DLG2: variants seen among roughly 807,000 people sequenced by gnomAD.
DLG2 encodes disks large homolog 2.
DLG2 carries 45 observed loss-of-function variants against 132.5 expected under a neutral mutation model. The observed-to-expected ratio is 0.34, with a 90% CI of 0.27 to 0.44. The LOEUF (loss-of-function observed/expected upper bound fraction) is 0.44, where lower values mean the gene tolerates loss of function less well. DLG2 is among the 20% of genes least tolerant of loss of function. The probability of loss-of-function intolerance (pLI) is 1.00; values close to 1 mark genes in which losing one functional copy is unlikely to be tolerated. For missense variants in DLG2, 1,045 were observed against 1,196.9 expected, an observed-to-expected ratio of 0.87 and a Z score of 1.87; for synonymous variants, 424 against 419.6, an observed-to-expected ratio of 1.01 and a Z score of -0.13.
intron 8 of DLG2, among the ~76,000 whole-genome samples, chr11:84,216,856 AT>A (rs1378200415): frequency 6.6e-6 from 1 of 152,208 alleles, no homozygotes; most frequent in Non-Finnish European, 1.5e-5. Flanking sequence ...ATAGATTATA[AT>A]AAATAAAGTG....
chr11:84,584,644 G>A lies in DLG2; in HGVS notation c.358-49913C>T, dbSNP rs936850479. Among the ~76,000 whole-genome samples the A allele has an allele frequency of 1.6e-4, 23 of 141,276 alleles. No homozygotes were observed. The South Asian group carries it at 5.3e-3, about 32-fold the overall frequency. 92.7% of individuals were successfully genotyped at this position (141,276 alleles called of 152,430 possible). On this transcript the variant is annotated intron_variant, in intron 6 of 27. Coordinates refer to ENST00000376104, the MANE Select transcript of DLG2 (RefSeq NM_001142699.3). ...GCCTCCCAAAGTGCTGGGATTATAA[G>A]CCTGAGCTGCTGTACCTGGCCCAGC...
intron 4 of DLG2, among the ~76,000 whole-genome samples, chr11:85,253,472 G>C (rs72947981): frequency 3.9e-5 from 6 of 152,108 alleles, no homozygotes; most frequent in Non-Finnish European, 8.8e-5. Flanking sequence ...ACCAGAGGGA[G>C]GGTGAATAGA....
intron 3 of DLG2, among the ~76,000 whole-genome samples, chr11:85,507,663 G>C (rs933944750): frequency 6.6e-6 from 1 of 152,044 alleles, no homozygotes; most frequent in South Asian, 2.1e-4. Context: ...TTCAACTTTG[G>C]TGAATCTGAC....
chr11:84,105,665 G>C (rs767819059), intron 9 of DLG2, among the ~76,000 whole-genome samples: 4 of 152,008 alleles, frequency 2.6e-5, no homozygotes, highest in African/African-American at 9.7e-5. Flanking sequence ...GTAAAGATTA[G>C]GTTATAGTAT....
chr11:84,708,973 G>C (rs563120423), intron 6 of DLG2, among the ~76,000 whole-genome samples: 9 of 151,986 alleles, frequency 5.9e-5, no homozygotes, highest in African/African-American at 2.2e-4. Flanking sequence ...GAAAAAAGTT[G>C]TCTAGTTGAA....
chr11:85,547,590 G>C (rs2076414276), intron 3 of DLG2, among the ~76,000 whole-genome samples: 1 of 152,164 alleles, frequency 6.6e-6, no homozygotes, highest in Non-Finnish European at 1.5e-5. Context: ...TTCCAACTTG[G>C]TTCCATTCTC....
At chr11:84,351,574 C>A (rs1034153298) in intron 7 of DLG2, among the ~76,000 whole-genome samples, 3 of 152,084 alleles carry the variant, frequency 2.0e-5, no homozygotes, top group African/African-American at 7.2e-5. Context: ...ACATATATAA[C>A]AGCATTTGAT....
In DLG2 at chr11:84,600,222, AAG is replaced by A. The variant is rs533347105; in HGVS notation, c.358-65493_358-65492del. On this transcript the variant is annotated intron_variant, in intron 6 of 27. Transcript: ENST00000376104. ...AAAGAAAGAAAGAAAGAAAGAAAGA[AAG>A]AGAAAGAAAGACAGAAAAGCAAGCA... is the stretch of plus-strand genomic sequence containing the variant. Among the ~76,000 whole-genome samples, 314 of 121,258 alleles carry A rather than the reference AAG, an allele frequency of 2.6e-3. 3 individuals carry two copies. The highest frequency in any genetic ancestry group is 0.026 in the South Asian group (88 of 3,428). The allele number at this position is 121,258 out of a possible 152,430, so 79.5% of individuals were successfully genotyped here.
intron 3 of DLG2, among the ~76,000 whole-genome samples, chr11:85,358,339 T>C (rs2083900741): frequency 6.6e-6 from 1 of 152,186 alleles, no homozygotes. Flanking sequence ...GTTTCCCATG[T>C]GGCTTTCAAC....
chr11:84,890,588 T>G (rs1407736687), intron 6 of DLG2, among the ~76,000 whole-genome samples: 2 of 152,092 alleles, frequency 1.3e-5, no homozygotes, highest in African/African-American at 4.8e-5. Flanking sequence ...TGAAAAGACA[T>G]GTCATTATGG....
intron 3 of DLG2, among the ~76,000 whole-genome samples, chr11:85,459,355 C>G (rs991296311): frequency 1.3e-5 from 2 of 152,104 alleles, no homozygotes; most frequent in Admixed American, 1.3e-4. Context: ...GATGAGCGAC[C>G]AGGCTTCTCT....
At chr11:83,943,645 G>C (rs1377720105) in intron 14 of DLG2, among the ~76,000 whole-genome samples, 2 of 152,080 alleles carry the variant, frequency 1.3e-5, no homozygotes, top group African/African-American at 4.8e-5. Context: ...GTCTACTTCG[G>C]GGAAATTATG....
chr11:83,888,774 C>T (rs2068756249), intron 15 of DLG2, among the ~76,000 whole-genome samples: 1 of 152,144 alleles, frequency 6.6e-6, no homozygotes, highest in South Asian at 2.1e-4. Flanking sequence ...ATCAATGGAA[C>T]AGAACAGAGC....
At chr11:84,139,668 G>C (rs1373155948) in intron 9 of DLG2, among the ~76,000 whole-genome samples, 2 of 152,008 alleles carry the variant, frequency 1.3e-5, no homozygotes, top group South Asian at 4.1e-4. Flanking sequence ...AGCCACAGTG[G>C]GGCTCACATT....
intron 6 of DLG2, among the ~76,000 whole-genome samples, chr11:85,033,902 T>TA (rs147099975): frequency 1.8e-4 from 28 of 151,976 alleles, no homozygotes; most frequent in Middle Eastern, 3.4e-3. Context: ...GAATTTTTGT[T>TA]AAAAAAAATA....
intron 16 of DLG2, among the ~76,000 whole-genome samples, chr11:83,856,485 C>A (rs2060551494): frequency 6.6e-6 from 1 of 152,162 alleles, no homozygotes; most frequent in Admixed American, 6.5e-5. Context: ...CACAACCTTG[C>A]CAACATCTGT....
intron 3 of DLG2, among the ~76,000 whole-genome samples, chr11:85,565,676 G>A (rs190105098): frequency 1.1e-4 from 17 of 152,180 alleles, no homozygotes; most frequent in African/African-American, 3.4e-4. Flanking sequence ...ATTGTAGCAT[G>A]TATCAGCACT....
At chr11:83,714,221 G>A (rs1416057828) in intron 18 of DLG2, among the ~76,000 whole-genome samples, 1 of 151,978 alleles carries the variant, frequency 6.6e-6, no homozygotes, top group Non-Finnish European at 1.5e-5. Context: ...GAGAAAAGGA[G>A]TAGTTCTAAA....
At chr11:85,190,528 G>T (rs1411484463) in intron 4 of DLG2, among the ~76,000 whole-genome samples, 1 of 151,930 alleles carries the variant, frequency 6.6e-6, no homozygotes, top group Non-Finnish European at 1.5e-5. Flanking sequence ...TACACTGAAT[G>T]AAATTGAGAT....
Sources: allele counts gnomAD v4.1 joint callset (sites outside exome capture counted in the v4.1 genomes callset), GRCh38; gene constraint gnomAD v4.1.1; transcripts MANE v1.5; gene names NCBI Gene and HGNC (gene_info 2026-07-23, HGNC 2026-07-21).